LIN7A: variants seen among roughly 807,000 people sequenced by gnomAD.
LIN7A encodes the protein lin-7 cell polarity scaffold A, also known as protein lin-7 homolog A.
Under a neutral mutation model 29.8 loss-of-function variants are expected in LIN7A, and 25 were observed. That is an observed-to-expected ratio of 0.84 (90% CI 0.61 to 1.17). The LOEUF is 1.17. Ranked by LOEUF, LIN7A falls within the 50% of genes most tolerant of loss-of-function variation. The probability of loss-of-function intolerance (pLI) is 0.00; values close to 1 mark genes in which losing one functional copy is unlikely to be tolerated. For synonymous variants in LIN7A, 118 were observed against 107.5 expected, an observed-to-expected ratio of 1.10 and a Z score of -0.60; for missense variants, 239 against 287.0, an observed-to-expected ratio of 0.83 and a Z score of 1.21.
intron 4 of LIN7A, among the ~76,000 whole-genome samples, chr12:80,831,646 C>T (rs1275854768): frequency 6.6e-6 from 1 of 152,116 alleles, no homozygotes; most frequent in East Asian, 1.9e-4. Context: ...GAAGCAATTA[C>T]AAATCCTGTC....
Position 80,796,150 on chromosome 12 carries a change from T to C in LIN7A, c.*1577A>G, listed in dbSNP as rs1870439679. The C allele has an allele frequency of 6.6e-6, 1 of 152,196 alleles. No homozygotes were observed. Among genetic ancestry groups the C allele is most frequent in the South Asian group, 2.1e-4 (1 of 4,836 alleles). 9.4% of individuals were successfully genotyped at this position (152,196 alleles called of 1,614,324 possible). A position where few individuals can be genotyped will look rare whatever the true frequency, so the allele number is the denominator to read the frequency against. Reference sequence around the variant, plus strand: ...TTCAAGAAGACAGTCTAAACTGAGCTTCATACATTTCTATTTTGGGGGATT... The same window carrying C: ...TTCAAGAAGACAGTCTAAACTGAGCCTCATACATTTCTATTTTGGGGGATT... On this transcript the variant is annotated 3_prime_UTR_variant, in exon 6 of 6. Transcript: ENST00000552864.
chr12:80,809,469 G>T (rs1871188021), intron 5 of LIN7A, among the ~76,000 whole-genome samples: 1 of 152,196 alleles, frequency 6.6e-6, no homozygotes, highest in Admixed American at 6.5e-5. Flanking sequence ...AATATGAACT[G>T]TCTTCTCCAA....
chr12:80,871,857 C>A (rs1874443527), intron 2 of LIN7A, among the ~76,000 whole-genome samples: 1 of 151,682 alleles, frequency 6.6e-6, no homozygotes, highest in South Asian at 2.1e-4. Flanking sequence ...TTAACTTCTA[C>A]AAAATAGAAA....
intron 1 of LIN7A, among the ~76,000 whole-genome samples, chr12:80,932,757 C>T (rs530937280): frequency 6.6e-6 from 1 of 152,294 alleles, no homozygotes; most frequent in East Asian, 1.9e-4. Context: ...AGAATTGGAG[C>T]TACCATACTT....
chr12:80,918,211 C>A (rs946480510), intron 1 of LIN7A, among the ~76,000 whole-genome samples: 7 of 150,810 alleles, frequency 4.6e-5, no homozygotes, highest in African/African-American at 1.5e-4. Flanking sequence ...CCAGGCCTGG[C>A]TGATATTTTT....
intron 1 of LIN7A, among the ~76,000 whole-genome samples, chr12:80,902,148 T>G (rs1876246030): frequency 6.6e-6 from 1 of 152,040 alleles, no homozygotes; most frequent in Non-Finnish European, 1.5e-5. Flanking sequence ...CCAGCCTTTT[T>G]GAAGATCAGA....
chr12:80,816,010 T>G (rs1871513048), intron 4 of LIN7A, among the ~76,000 whole-genome samples: 1 of 152,182 alleles, frequency 6.6e-6, no homozygotes. Flanking sequence ...GCCATGAGCA[T>G]ACTTGAAATG....
chr12:80,801,417 C>A (rs1218131581), intron 5 of LIN7A, among the ~76,000 whole-genome samples: 3 of 152,142 alleles, frequency 2.0e-5, no homozygotes, highest in Admixed American at 1.3e-4. Flanking sequence ...GCCCAGGAAG[C>A]AATGAATTTT....
At chr12:80,932,735 G>A (rs1156519296) in intron 1 of LIN7A, among the ~76,000 whole-genome samples, 2 of 152,210 alleles carry the variant, frequency 1.3e-5, no homozygotes, top group Admixed American at 6.5e-5. Context: ...ACCTTGAGAT[G>A]AAAAGTGAAG....
At chr12:80,921,438 C>CGTG in intron 1 of LIN7A, among the ~76,000 whole-genome samples, 1 of 151,342 alleles carries the variant, frequency 6.6e-6, no homozygotes, top group African/African-American at 2.4e-5. Flanking sequence ...CTTCCAAGAT[C>CGTG]AGAGTGCCAG....
intron 1 of LIN7A, among the ~76,000 whole-genome samples, chr12:80,913,377 G>A (rs903176941): frequency 6.6e-6 from 1 of 152,150 alleles, no homozygotes; most frequent in Non-Finnish European, 1.5e-5. Context: ...TCCATGATAC[G>A]CCTGCAAGTG....
intron 2 of LIN7A, among the ~76,000 whole-genome samples, chr12:80,877,807 C>A (rs1874790191): frequency 6.6e-6 from 1 of 151,638 alleles, no homozygotes; most frequent in East Asian, 1.9e-4. Flanking sequence ...GAACTTCTTT[C>A]TCTCCATTTT....
intron 4 of LIN7A, among the ~76,000 whole-genome samples, chr12:80,815,388 C>T (rs1323388782): frequency 6.6e-6 from 1 of 152,182 alleles, no homozygotes; most frequent in African/African-American, 2.4e-5. Context: ...TGTGCAAGCC[C>T]TTCACAGGTA....
chr12:80,880,019 C>T (rs1157156588), intron 2 of LIN7A, among the ~76,000 whole-genome samples: 1 of 152,182 alleles, frequency 6.6e-6, no homozygotes, highest in East Asian at 1.9e-4. Flanking sequence ...GTAGTCTAAG[C>T]AGAAATAACC....
intron 5 of LIN7A, among the ~76,000 whole-genome samples, chr12:80,809,838 T>C (rs1055122534): frequency 8.5e-5 from 13 of 152,214 alleles, no homozygotes; most frequent in Admixed American, 6.5e-4. Context: ...CTTAGACACA[T>C]TTTATTTCTA....
At chr12:80,841,014 G>T (rs1872781378) in intron 4 of LIN7A, among the ~76,000 whole-genome samples, 1 of 152,094 alleles carries the variant, frequency 6.6e-6, no homozygotes, top group South Asian at 2.1e-4. Flanking sequence ...TTACACACTG[G>T]TCTTGGTTCT....
intron 4 of LIN7A, among the ~76,000 whole-genome samples, chr12:80,816,436 ACT>A (rs1871539825): frequency 1.3e-5 from 2 of 151,388 alleles, no homozygotes; most frequent in African/African-American, 4.8e-5. Flanking sequence ...ATATATACAC[ACT>A]CACACACACA....
At chr12:80,921,236 T>C (rs1877285059) in intron 1 of LIN7A, among the ~76,000 whole-genome samples, 1 of 151,992 alleles carries the variant, frequency 6.6e-6, no homozygotes, top group African/African-American at 2.4e-5. Flanking sequence ...TGGAATATGC[T>C]GGTACCTTGA....
At chr12:80,822,607 A>AT (rs1592863413) in intron 4 of LIN7A, among the ~76,000 whole-genome samples, 2 of 152,282 alleles carry the variant, frequency 1.3e-5, no homozygotes, top group East Asian at 1.9e-4. Context: ...TGCCCCAGTG[A>AT]TTTAATTATC....
Sources: allele counts gnomAD v4.1 joint callset (sites outside exome capture counted in the v4.1 genomes callset), GRCh38; gene constraint gnomAD v4.1.1; transcripts MANE v1.5; gene names NCBI Gene and HGNC (gene_info 2026-07-23, HGNC 2026-07-21).